The following INTS4 variants were observed in gnomAD, a reference collection of about 807,000 sequenced individuals.
The protein encoded by INTS4 is MSTP093.
Under a neutral mutation model 119.5 loss-of-function variants are expected in INTS4, and 70 were observed. That is an observed-to-expected ratio of 0.59 (90% confidence interval 0.48 to 0.71). The LOEUF is 0.71. INTS4 is among the 30% of genes least tolerant of loss of function. INTS4 has a pLI of 0.00. For synonymous variants in INTS4, 316 were observed against 419.6 expected (o/e 0.75, Z 3.02); for missense variants, 867 against 1,173.2 (o/e 0.74, Z 3.81).
At chr11:77,992,337 G>T (rs1211027236) in intron 1 of INTS4, among the ~76,000 whole-genome samples, 1 of 152,062 alleles carries the variant, frequency 6.6e-6, no homozygotes, top group Non-Finnish European at 1.5e-5. Context: ...GTTGCAGTGA[G>T]CTAGGATTGC....
intron 16 of INTS4, among the ~76,000 whole-genome samples, chr11:77,906,792 C>T (rs1952965471): frequency 6.6e-6 from 1 of 152,148 alleles, no homozygotes; most frequent in Non-Finnish European, 1.5e-5. Context: ...AGCCAAACAT[C>T]ATTAATCACT....
At chr11:77,876,429 A>G (rs1195118875), downstream of INTS4, among the ~76,000 whole-genome samples, 3 of 151,988 alleles carry the variant, frequency 2.0e-5, no homozygotes, top group African/African-American at 7.3e-5. Flanking sequence ...TTCAGTGAAA[A>G]AGTACAGAAT....
intron 3 of INTS4, 22 bp from the exon 4 acceptor site, chr11:77,979,124 T>C (rs1162477696): frequency 6.7e-7 from 1 of 1,488,190 alleles, no homozygotes; most frequent in Non-Finnish European, 9.4e-7. Flanking sequence ...GATAGAAAGT[T>C]GGCTTGTAGA....
intron 6 of INTS4, among the ~76,000 whole-genome samples, chr11:77,959,438 A>C (rs888501300): frequency 1.3e-5 from 2 of 152,016 alleles, no homozygotes; most frequent in African/African-American, 4.8e-5. Flanking sequence ...TATATCTTAA[A>C]TTCTACACTA....
intron 4 of INTS4, among the ~76,000 whole-genome samples, chr11:77,973,121 C>T (rs912548124): frequency 6.6e-6 from 1 of 152,132 alleles, no homozygotes; most frequent in Non-Finnish European, 1.5e-5. Flanking sequence ...GGATTACAGG[C>T]AAGAGGCACC....
rs181391453 is a variant in INTS4 at position 77,883,517 on chromosome 11, G to T, written c.2713+315C>A. ...CTTGTCTAAGGTGACCAAGCAAGTC[G>T]GTGGCAGTTAGGATAAGAATAATCT... is the stretch of plus-strand genomic sequence containing the variant. On this transcript the variant is annotated intron_variant, in intron 22 of 22. Coordinates refer to ENST00000534064, the MANE Select transcript of INTS4 (RefSeq NM_033547.4). 1.6e-4 allele frequency among the ~76,000 whole-genome samples: 25 copies of T among 152,232 alleles called. 2 individuals are homozygous for T. Among genetic ancestry groups the T allele is most frequent in the Admixed American group, 1.4e-3 (22 of 15,288 alleles).
chr11:77,932,862 A>T (rs1412519961), intron 10 of INTS4, among the ~76,000 whole-genome samples: 1 of 150,586 alleles, frequency 6.6e-6, no homozygotes, highest in African/African-American at 2.4e-5. Flanking sequence ...AGAACAGAAA[A>T]CCAAACACCA....
In INTS4 at chr11:77,972,828, TG is replaced by T. The variant is rs1223475274; in HGVS notation, c.471+6167del. 8.9e-5 allele frequency among the ~76,000 whole-genome samples: 11 copies of T among 122,996 alleles called. No homozygotes were observed. The South Asian group carries it at 1.4e-3, about 16-fold the overall frequency. 80.7% of individuals were successfully genotyped at this position (122,996 alleles called of 152,430 possible). On this transcript the variant is annotated intron_variant, in intron 4 of 22. Transcript: ENST00000534064. ...AGATTTATTCATAAGTTTTCTTTTG[TG>T]GGTTTTTTTTTTTTTTTAATACAGA...
chr11:77,985,807 A>G (rs1266930644), intron 2 of INTS4, among the ~76,000 whole-genome samples: 2 of 152,196 alleles, frequency 1.3e-5, no homozygotes, highest in Non-Finnish European at 2.9e-5. Context: ...GCTAGCCCCT[A>G]AAGGACAAAG....
intron 2 of INTS4, chr11:77,987,075 T>G (rs1203620700): frequency 6.6e-6 from 1 of 152,074 alleles, no homozygotes; most frequent in African/African-American, 2.4e-5. Flanking sequence ...TTCATAAGAA[T>G]CTGGTGGAGA....
At position 77,981,562 on chromosome 11, in the gene INTS4, A is replaced by G; in HGVS notation, c.261T>C (p.Ser87=). 1 of 1,566,824 alleles carries G rather than the reference A, an allele frequency of 6.4e-7. No individual in the cohort carries two copies. Among genetic ancestry groups the G allele is most frequent in the Non-Finnish European group, 8.7e-7 (1 of 1,152,140 alleles). The change falls in exon 3 of 23, where the codon TCT becomes TCC. Residue 87 remains serine (S), a synonymous_variant. Transcript: ENST00000534064. ...ACAATGATGCAATTTTCAGTCTCAC[A>G]GATGGATCATTCTCCTGGAAAAAAA... The part of the protein sequence containing the change: ...LEHYYKENDP[S]VRLKIASLLG...
At chr11:77,969,355 G>C (rs1255252636) in intron 4 of INTS4, among the ~76,000 whole-genome samples, 1 of 151,752 alleles carries the variant, frequency 6.6e-6, no homozygotes, top group Admixed American at 6.6e-5. Flanking sequence ...ATGTATAGGC[G>C]TATGTATGTA....
Position 77,961,115 on chromosome 11 carries a change from A to C in INTS4, c.495T>G (p.Gly165=), listed in dbSNP as rs773463805. 1 of 1,599,422 alleles carries C rather than the reference A, an allele frequency of 6.3e-7. No homozygotes were observed. The highest frequency in any genetic ancestry group is 8.5e-7 in the Non-Finnish European group (1 of 1,174,518). ...ACKHLTDTSH[G]VRNKCLQLLG... is the part of the protein sequence containing the mutation. Reference sequence around the variant, plus strand: ...GTAACTGCAGGCACTTATTTCTTACACCATGAGACGTATCTGTCAGATGCT... The same window carrying C: ...GTAACTGCAGGCACTTATTTCTTACCCCATGAGACGTATCTGTCAGATGCT... Residue 165 remains glycine, a synonymous_variant, in exon 5 of 23, where the codon GGT becomes GGG. Transcript: ENST00000534064.
intron 15 of INTS4, among the ~76,000 whole-genome samples, chr11:77,917,152 G>C (rs1953222628): frequency 6.6e-6 from 1 of 152,082 alleles, no homozygotes; most frequent in South Asian, 2.1e-4. Flanking sequence ...CAGAATCCTA[G>C]CTAGCTGATC....
chr11:77,912,293 C>T (rs1047884996), intron 15 of INTS4, among the ~76,000 whole-genome samples: 1 of 150,544 alleles, frequency 6.6e-6, no homozygotes, highest in Non-Finnish European at 1.5e-5. Context: ...ACCTGGGAGG[C>T]AGAGGTTGCC....
At chr11:77,983,191 G>A (rs1356168740) in intron 2 of INTS4, among the ~76,000 whole-genome samples, 1 of 152,124 alleles carries the variant, frequency 6.6e-6, no homozygotes, top group Non-Finnish European at 1.5e-5. Flanking sequence ...ACAAAAATGG[G>A]CATATAGTAA....
At chr11:77,879,248 A>G (rs1252531963) in intron 22 of INTS4, 121 bp from the exon 23 acceptor site, 6 of 1,032,284 alleles carry the variant, frequency 5.8e-6, no homozygotes, top group East Asian at 2.6e-5. Flanking sequence ...ATCCGTCTAC[A>G]TTCCCTCCCC....
At chr11:77,984,034 G>GCCTT (rs1856355767) in intron 2 of INTS4, among the ~76,000 whole-genome samples, 1 of 152,108 alleles carries the variant, frequency 6.6e-6, no homozygotes, top group South Asian at 2.1e-4. Context: ...TACACATAAT[G>GCCTT]GAATATTATT....
intron 11 of INTS4, among the ~76,000 whole-genome samples, chr11:77,925,516 G>C (rs1953476412): frequency 1.3e-5 from 2 of 152,160 alleles, no homozygotes; most frequent in African/African-American, 4.8e-5. Context: ...CCAATAAAGA[G>C]AGGTATACCT....
Sources: allele counts gnomAD v4.1 joint callset (sites outside exome capture counted in the v4.1 genomes callset), GRCh38; gene constraint gnomAD v4.1.1; transcripts MANE v1.5; gene names NCBI Gene and HGNC (gene_info 2026-07-23, HGNC 2026-07-21).